The following FGF7 variants were observed in gnomAD, a reference collection of about 807,000 sequenced individuals.
FGF7 encodes FGF-7.
FGF7 carries 6 observed loss-of-function variants against 20.5 expected under a neutral mutation model. The observed-to-expected ratio is 0.29, with a 90% CI of 0.16 to 0.58. The LOEUF (loss-of-function observed/expected upper bound fraction) is 0.58. FGF7 is among the 20% of genes least tolerant of loss of function. The pLI is 0.90. For missense variants in FGF7, 144 were observed against 228.8 expected (o/e 0.63, Z 2.39); for synonymous variants, 64 against 74.7 (o/e 0.86, Z 0.74).
At chr15:49,476,528 C>A (rs960557318) in intron 2 of FGF7, among the ~76,000 whole-genome samples, 5 of 151,820 alleles carry the variant, frequency 3.3e-5, no homozygotes, top group Non-Finnish European at 7.4e-5. Flanking sequence ...CTTTACTGTC[C>A]ATATTTCACA....
chr15:49,424,519 G>C lies in FGF7; in HGVS notation c.222G>C (p.Gln74His). Residue 74 changes from glutamine to histidine, a missense_variant, in exon 2 of 4, where the codon CAG becomes CAC. Gln to His is a conservative substitution (Grantham distance 24). Transcript: ENST00000267843. ...TGAGAAGACTCTTCTGTCGAACACA[G>C]TGGTACCTGAGGATCGATAAAAGAG... ...IRVRRLFCRT[Q>H]WYLRIDKRGK... 6.2e-7 allele frequency: 1 copy of C among 1,612,302 alleles called. No homozygotes were observed. Among genetic ancestry groups the C allele is most frequent in the Non-Finnish European group, 8.5e-7 (1 of 1,178,764 alleles).
At chr15:49,471,354 C>T (rs2054729757) in intron 2 of FGF7, among the ~76,000 whole-genome samples, 1 of 151,698 alleles carries the variant, frequency 6.6e-6, no homozygotes, top group Non-Finnish European at 1.5e-5. Flanking sequence ...TGTGGTGGCA[C>T]AACCTGTAAT....
At chr15:49,433,434 A>G (rs1485810849) in intron 2 of FGF7, among the ~76,000 whole-genome samples, 2 of 151,760 alleles carry the variant, frequency 1.3e-5, no homozygotes, top group Non-Finnish European at 2.9e-5. Flanking sequence ...ATCACTCAAT[A>G]TATTTATCCT....
chr15:49,433,841 A>G (rs1243054159), intron 2 of FGF7, among the ~76,000 whole-genome samples: 1 of 151,780 alleles, frequency 6.6e-6, no homozygotes, highest in Admixed American at 6.6e-5. Flanking sequence ...AAACAGAAAA[A>G]AACAGTAATT....
intron 2 of FGF7, chr15:49,434,418 AGAGT>A (rs1246138572): frequency 6.6e-6 from 1 of 151,572 alleles, no homozygotes; most frequent in East Asian, 2.0e-4. Flanking sequence ...ACTCCAAGTC[AGAGT>A]GAGTAAGTTT....
At position 49,429,855 on chromosome 15, in the gene FGF7, G is replaced by T. The variant is rs576689188; in HGVS notation, c.286+5272G>T. 7.4e-4 allele frequency among the ~76,000 whole-genome samples: 113 copies of T among 151,966 alleles called. 2 individuals are homozygous for T. The South Asian group carries it at 0.011, about 15-fold the overall frequency. Reference sequence around the variant, plus strand: ...ATTAAGTCAGAATCTCACAAAGGTGGGAAGGACCAGGCATTAGTATTTGTT... The same window carrying T: ...ATTAAGTCAGAATCTCACAAAGGTGTGAAGGACCAGGCATTAGTATTTGTT... On this transcript the variant is annotated intron_variant, in intron 2 of 3. Coordinates refer to ENST00000267843, the MANE Select transcript of FGF7 (RefSeq NM_002009.4).
chr15:49,456,863 GAA>G (rs995514392), intron 2 of FGF7, among the ~76,000 whole-genome samples: 4 of 152,036 alleles, frequency 2.6e-5, no homozygotes, highest in African/African-American at 9.7e-5. Flanking sequence ...AATAAGACCA[GAA>G]AAAGACAGGC....
chr15:49,469,309 A>C (rs1305127847), intron 2 of FGF7, among the ~76,000 whole-genome samples: 1 of 152,188 alleles, frequency 6.6e-6, no homozygotes, highest in Non-Finnish European at 1.5e-5. Flanking sequence ...GTCTATACAG[A>C]AAACTGCTGT....
At chr15:49,484,287 T>G in intron 3 of FGF7, 23 bp from the exon 4 acceptor site, 1 of 1,501,564 alleles carries the variant, frequency 6.7e-7, no homozygotes, top group Non-Finnish European at 9.1e-7. Context: ...GGATAATGTC[T>G]GTTTGTTTGT....
intron 2 of FGF7, among the ~76,000 whole-genome samples, chr15:49,427,569 T>C (rs2050233768): frequency 6.6e-6 from 1 of 152,034 alleles, no homozygotes; most frequent in African/African-American, 2.4e-5. Context: ...TGAAAAGTAA[T>C]ATGCCAGCTA....
At chr15:49,432,955 A>G (rs1597152439) in intron 2 of FGF7, among the ~76,000 whole-genome samples, 1 of 151,774 alleles carries the variant, frequency 6.6e-6, no homozygotes, top group East Asian at 1.9e-4. Context: ...GGATCCTAAT[A>G]TGATTGAAAA....
intron 2 of FGF7, among the ~76,000 whole-genome samples, chr15:49,425,757 G>A (rs1349248307): frequency 6.6e-6 from 1 of 151,666 alleles, no homozygotes; most frequent in South Asian, 2.1e-4. Context: ...AACCATAATT[G>A]ATATAGAATG....
intron 2 of FGF7, among the ~76,000 whole-genome samples, chr15:49,438,635 C>G (rs2051328559): frequency 6.6e-6 from 1 of 151,692 alleles, no homozygotes; most frequent in East Asian, 1.9e-4. Flanking sequence ...GGAAATAATA[C>G]TGTATCATAT....
At position 49,439,921 on chromosome 15, in the gene FGF7, G is replaced by A. The variant is rs1005937109; in HGVS notation, c.286+15338G>A. Reference sequence around the variant, plus strand: ...CAGAGATTTTGACATGAAGTTTGCAGATAGCCCTCAGGGAAACTGGAAAGG... The same window carrying A: ...CAGAGATTTTGACATGAAGTTTGCAAATAGCCCTCAGGGAAACTGGAAAGG... On this transcript the variant is annotated intron_variant, in intron 2 of 3. Transcript: ENST00000267843. 2.0e-5 allele frequency among the ~76,000 whole-genome samples: 3 copies of A among 151,892 alleles called. No homozygotes were observed. The South Asian group carries it at 6.2e-4, about 31-fold the overall frequency.
chr15:49,442,102 G>A (rs2051707858), intron 2 of FGF7, among the ~76,000 whole-genome samples: 1 of 151,420 alleles, frequency 6.6e-6, no homozygotes, highest in South Asian at 2.1e-4. Context: ...AGTGAATAAA[G>A]GTATTGTAAG....
Position 49,488,251 on chromosome 15 carries a change from C to CT in FGF7, c.*3748dup, listed in dbSNP as rs1399244654. Reference sequence around the variant, plus strand: ...TAGCTCATTAAAACTTCATGTGTAACTATTTCAGCATTGTTGTCAGCTACT... The same window carrying CT: ...TAGCTCATTAAAACTTCATGTGTAACTTATTTCAGCATTGTTGTCAGCTACT... On this transcript the variant is annotated 3_prime_UTR_variant, in exon 4 of 4. Coordinates refer to ENST00000267843, the MANE Select transcript of FGF7 (RefSeq NM_002009.4). 6.6e-6 allele frequency: 1 copy of CT among 151,962 alleles called. No homozygotes were observed. The highest frequency in any genetic ancestry group is 1.5e-5 in the Non-Finnish European group (1 of 67,918). The allele number at this position is 151,962 out of a possible 1,614,324, so 9.4% of individuals were successfully genotyped here. A position where few individuals can be genotyped will look rare whatever the true frequency, so the allele number is the denominator to read the frequency against.
At chr15:49,427,586 A>G (rs965555550) in intron 2 of FGF7, among the ~76,000 whole-genome samples, 1 of 152,024 alleles carries the variant, frequency 6.6e-6, no homozygotes, top group Non-Finnish European at 1.5e-5. Flanking sequence ...GCTATGCAAA[A>G]TATAATTATT....
intron 2 of FGF7, among the ~76,000 whole-genome samples, chr15:49,438,849 G>A (rs1451373840): frequency 4.0e-5 from 6 of 151,504 alleles, no homozygotes; most frequent in Non-Finnish European, 7.4e-5. Context: ...GAGAGAGTGG[G>A]TGGTAAGGTG....
rs145381133 is a variant in FGF7 at position 49,451,477 on chromosome 15, G to T, written c.286+26894G>T. 3.0e-4 allele frequency among the ~76,000 whole-genome samples: 45 copies of T among 152,088 alleles called. No homozygotes were observed. The East Asian group carries it at 8.5e-3, about 29-fold the overall frequency. On this transcript the variant is annotated intron_variant, in intron 2 of 3. Coordinates refer to ENST00000267843, the MANE Select transcript of FGF7 (RefSeq NM_002009.4). The stretch of plus-strand genomic sequence containing the variant: ...TATATATGTTTGCTTAAATCTATAT[G>T]TATATATAGATTATAACATCAACAA...
Sources: gnomAD v4.1 joint callset for allele counts (sites outside exome capture counted in the v4.1 genomes callset) on GRCh38, gnomAD v4.1.1 for gene constraint, MANE v1.5 for transcripts, NCBI Gene and HGNC (gene_info 2026-07-23, HGNC 2026-07-21) for gene names.